The following NPAS2 variants were observed in gnomAD, a reference collection of about 807,000 sequenced individuals.
NPAS2 encodes neuronal PAS domain protein 2, also known as neuronal PAS domain-containing protein 2.
A neutral mutation model predicts 107.5 loss-of-function variants in NPAS2; 23 were observed. The observed-to-expected ratio is 0.21, with a 90% CI of 0.15 to 0.30. NPAS2 has a LOEUF of 0.30. NPAS2 is among the 10% of genes least tolerant of loss of function. The pLI is 1.00. For synonymous variants in NPAS2, 403 were observed against 417.5 expected (o/e 0.97, Z 0.42); for missense variants, 756 against 1,043.3 (o/e 0.72, Z 3.79).
At chr2:100,961,936 A>G (rs1675939080) in intron 7 of NPAS2, among the ~76,000 whole-genome samples, 1 of 152,200 alleles carries the variant, frequency 6.6e-6, no homozygotes, top group South Asian at 2.1e-4. Context: ...TTTATTAGTC[A>G]TTATCTGGCT....
intron 12 of NPAS2, 64 bp from the exon 13 acceptor site, chr2:100,974,739 G>C (rs1318549186): frequency 6.5e-7 from 1 of 1,549,284 alleles, no homozygotes; most frequent in Non-Finnish European, 8.8e-7. Context: ...TAGAACTAAA[G>C]TCACGCCCAC....
chr2:100,879,122 GAA>G (rs1339247169), intron 1 of NPAS2, among the ~76,000 whole-genome samples: 1 of 106,636 alleles, frequency 9.4e-6, no homozygotes, highest in African/African-American at 3.4e-5. Flanking sequence ...CAAAAAAAAA[GAA>G]AAAAAAAAAA....
At chr2:100,926,568 T>C (rs1203415437) in intron 3 of NPAS2, among the ~76,000 whole-genome samples, 1 of 152,226 alleles carries the variant, frequency 6.6e-6, no homozygotes, top group Non-Finnish European at 1.5e-5. Context: ...TCTTTTCATG[T>C]ACTTATTGGC....
Position 100,898,785 on chromosome 2 carries a change from T to TA in NPAS2, c.-22-5933dup, listed in dbSNP as rs3042765. 6.7e-3 allele frequency among the ~76,000 whole-genome samples: 961 copies of TA among 144,226 alleles called. 10 individuals are homozygous for TA. The highest frequency in any genetic ancestry group is 0.02 in the African/African-American group (787 of 38,860). 94.6% of individuals were successfully genotyped at this position (144,226 alleles called of 152,430 possible). A position where few individuals can be genotyped will look rare whatever the true frequency, so the allele number is the denominator to read the frequency against. On this transcript the variant is annotated intron_variant, in intron 1 of 20. Transcript: ENST00000335681. ...ACTTTAAATTTAGATGTCTTTCACC[T>TA]AAAAAAAAAAAAAAACAAACCTGAA...
At chr2:100,967,170 G>A (rs1387682267) in intron 10 of NPAS2, among the ~76,000 whole-genome samples, 5 of 151,618 alleles carry the variant, frequency 3.3e-5, no homozygotes, top group Admixed American at 6.6e-5. Context: ...TTGCCCTGTG[G>A]AGCCCACACC....
chr2:100,951,061 A>G (rs1675195784), intron 7 of NPAS2, among the ~76,000 whole-genome samples: 2 of 152,172 alleles, frequency 1.3e-5, no homozygotes. Context: ...CCTTTGCCCT[A>G]AAGAGTCTAG....
intron 1 of NPAS2, among the ~76,000 whole-genome samples, chr2:100,850,100 G>T (rs1335048268): frequency 2.1e-5 from 3 of 142,294 alleles, no homozygotes; most frequent in African/African-American, 7.8e-5. Context: ...AAGATTCAAT[G>T]AAATCACTAA....
chr2:100,927,759 C>G (rs1307899916), intron 3 of NPAS2, among the ~76,000 whole-genome samples: 1 of 151,558 alleles, frequency 6.6e-6, no homozygotes, highest in Non-Finnish European at 1.5e-5. Context: ...TCAAATCATT[C>G]TCTCTCCCTT....
chr2:100,934,880 A>T, intron 4 of NPAS2: 1 of 985,378 alleles, frequency 1.0e-6, no homozygotes, highest in Non-Finnish European at 1.2e-6. Flanking sequence ...GAGACTGTGA[A>T]GAATCCAGGT....
chr2:100,835,505 G>A (rs1363228443), intron 1 of NPAS2, among the ~76,000 whole-genome samples: 3 of 152,056 alleles, frequency 2.0e-5, no homozygotes, highest in Non-Finnish European at 4.4e-5. Context: ...CGTGTGAAAG[G>A]GTACAAAAGA....
At chr2:100,872,368 A>T (rs918167899) in intron 1 of NPAS2, among the ~76,000 whole-genome samples, 6 of 152,190 alleles carry the variant, frequency 3.9e-5, no homozygotes, top group Non-Finnish European at 7.3e-5. Flanking sequence ...TATATTTTAA[A>T]CTACTTAGAA....
intron 1 of NPAS2, among the ~76,000 whole-genome samples, chr2:100,840,167 G>GC (rs1677305774): frequency 6.6e-6 from 1 of 152,132 alleles, no homozygotes; most frequent in Non-Finnish European, 1.5e-5. Flanking sequence ...CTTTCGGACA[G>GC]CTCTGGCTTC....
intron 2 of NPAS2, among the ~76,000 whole-genome samples, chr2:100,911,354 T>C (rs535965000): frequency 6.6e-6 from 1 of 152,346 alleles, no homozygotes; most frequent in South Asian, 2.1e-4. Flanking sequence ...ATTATAATTA[T>C]ACATTTTCTT....
At chr2:100,856,813 A>G (rs2104506810) in intron 1 of NPAS2, among the ~76,000 whole-genome samples, 1 of 152,208 alleles carries the variant, frequency 6.6e-6, no homozygotes, top group South Asian at 2.1e-4. Context: ...GAAAAGAGAG[A>G]GGTGTCCACG....
At chr2:100,975,013 T>C in intron 13 of NPAS2, 69 bp downstream of exon 13, 1 of 1,562,310 alleles carries the variant, frequency 6.4e-7, no homozygotes, top group Admixed American at 1.8e-5. Flanking sequence ...CCACAGAGGG[T>C]CCCGGGCCCA....
intron 1 of NPAS2, among the ~76,000 whole-genome samples, chr2:100,826,783 T>C (rs890808679): frequency 1.3e-5 from 2 of 152,198 alleles, no homozygotes; most frequent in Non-Finnish European, 2.9e-5. Context: ...TAAAAAAAGC[T>C]ATGCCTGTTA....
intron 7 of NPAS2, among the ~76,000 whole-genome samples, chr2:100,957,791 G>A (rs556161100): frequency 8.5e-5 from 13 of 152,342 alleles, no homozygotes; most frequent in Admixed American, 2.0e-4. Flanking sequence ...AGCCGGGCGC[G>A]ATGGCAGGTG....
chr2:100,951,126 G>T (rs1212821176), intron 7 of NPAS2, among the ~76,000 whole-genome samples: 2 of 152,162 alleles, frequency 1.3e-5, no homozygotes, highest in South Asian at 4.1e-4. Context: ...GTACTGTGGG[G>T]TTCTGGTTCC....
At chr2:100,944,034 T>G (rs1335868037) in intron 5 of NPAS2, among the ~76,000 whole-genome samples, 1 of 152,326 alleles carries the variant, frequency 6.6e-6, no homozygotes, top group East Asian at 1.9e-4. Context: ...ATTCTTACTA[T>G]TACAAAGTCA....
Sources: gnomAD v4.1 joint callset for allele counts (sites outside exome capture counted in the v4.1 genomes callset) on GRCh38, gnomAD v4.1.1 for gene constraint, MANE v1.5 for transcripts, NCBI Gene and HGNC (gene_info 2026-07-23, HGNC 2026-07-21) for gene names.